Variants in SAMD4A observed in about 807,000 individuals in gnomAD.
SAMD4A encodes sterile alpha motif domain containing 4A, also known as protein Smaug homolog 1.
A neutral mutation model predicts 81.3 loss-of-function variants in SAMD4A; 33 were observed. The observed-to-expected ratio is 0.41, with a 90% CI of 0.31 to 0.54. The LOEUF (loss-of-function observed/expected upper bound fraction) is 0.54, where lower values mean the gene tolerates loss of function less well. Ranked by LOEUF, SAMD4A falls within the 20% of genes least tolerant of loss-of-function variation. SAMD4A has a pLI of 0.37. For missense variants in SAMD4A, 854 were observed against 951.1 expected, an observed-to-expected ratio of 0.90 and a Z score of 1.34; for synonymous variants, 389 against 382.1, an observed-to-expected ratio of 1.02 and a Z score of -0.21.
At chr14:54,650,167 C>T (rs1408821982) in intron 2 of SAMD4A, among the ~76,000 whole-genome samples, 5 of 152,192 alleles carry the variant, frequency 3.3e-5, no homozygotes, top group African/African-American at 1.2e-4. Context: ...TTAAATTGAT[C>T]AGACTCACAA....
intron 3 of SAMD4A, among the ~76,000 whole-genome samples, chr14:54,727,166 C>CT (rs567831973): frequency 0.015 from 872 of 59,094 alleles, 226 homozygotes; most frequent in Non-Finnish European, 0.022. Flanking sequence ...TCTTTTTTTC[C>CT]TTTTTTTTTT....
intron 3 of SAMD4A, among the ~76,000 whole-genome samples, chr14:54,727,399 A>C (rs993842771): frequency 6.6e-6 from 1 of 151,906 alleles, no homozygotes; most frequent in Non-Finnish European, 1.5e-5. Context: ...CATGTTAGCC[A>C]GTCTGTGTCC....
intron 2 of SAMD4A, among the ~76,000 whole-genome samples, chr14:54,691,739 C>A (rs548502469): frequency 5.5e-4 from 83 of 152,262 alleles, no homozygotes; most frequent in African/African-American, 1.9e-3. Context: ...AGGTGTGCCT[C>A]TAGCTCCCTC....
At chr14:54,625,699 A>G (rs1425369574) in intron 2 of SAMD4A, among the ~76,000 whole-genome samples, 1 of 152,238 alleles carries the variant, frequency 6.6e-6, no homozygotes, top group African/African-American at 2.4e-5. Context: ...GTACTTAGAA[A>G]GTACCTAAGG....
At chr14:54,645,903 T>C (rs77320259) in intron 2 of SAMD4A, among the ~76,000 whole-genome samples, 2,333 of 152,360 alleles carry the variant, frequency 0.015, 45 homozygotes, top group African/African-American at 0.052. Context: ...ATTTGTTACA[T>C]AATTCTGTGA....
At chr14:54,680,324 T>A (rs570699892) in intron 2 of SAMD4A, among the ~76,000 whole-genome samples, 65 of 152,368 alleles carry the variant, frequency 4.3e-4, no homozygotes, top group Non-Finnish European at 4.0e-4. Flanking sequence ...TGGGCCTGAA[T>A]TGCCACTCAT....
At chr14:54,656,848 C>T (rs1336755869) in intron 2 of SAMD4A, among the ~76,000 whole-genome samples, 1 of 152,128 alleles carries the variant, frequency 6.6e-6, no homozygotes, top group African/African-American at 2.4e-5. Flanking sequence ...ACCTTGTGAT[C>T]CACCCGCTTT....
chr14:54,687,539 G>C (rs1049092667), intron 2 of SAMD4A: 1 of 365,240 alleles, frequency 2.7e-6, no homozygotes, highest in East Asian at 7.4e-5. Flanking sequence ...CCTAAATGGG[G>C]TATGTTACTA....
At chr14:54,661,254 A>T (rs1158702860) in intron 2 of SAMD4A, among the ~76,000 whole-genome samples, 1 of 152,204 alleles carries the variant, frequency 6.6e-6, no homozygotes, top group Non-Finnish European at 1.5e-5. Context: ...AACTTTACTT[A>T]CCTTGACTTA....
chr14:54,618,591 A>C (rs1342391908), intron 2 of SAMD4A, among the ~76,000 whole-genome samples: 1 of 152,218 alleles, frequency 6.6e-6, no homozygotes, highest in African/African-American at 2.4e-5. Context: ...TAGAATAGAT[A>C]AATATGTCTT....
chr14:54,655,119 T>G (rs1455115900), intron 2 of SAMD4A, among the ~76,000 whole-genome samples: 1 of 152,200 alleles, frequency 6.6e-6, no homozygotes, highest in East Asian at 1.9e-4. Context: ...CTGGAAATAC[T>G]TACACGTCCA....
intron 2 of SAMD4A, among the ~76,000 whole-genome samples, chr14:54,591,137 G>T (rs553754812): frequency 6.6e-6 from 1 of 152,132 alleles, no homozygotes; most frequent in Non-Finnish European, 1.5e-5. Context: ...GGGGTACGTC[G>T]TGCGATACAT....
chr14:54,774,924 GC>G lies in SAMD4A; in HGVS notation c.1716-9del. On this transcript the variant is annotated splice_polypyrimidine_tract_variant and intron_variant, in intron 9 of 12. Transcript: ENST00000554335. ...CTGATATTCTCTTCCTTCTCTCTTG[GC>G]TCTCACAGTCGAGGCTTTGGGCAAT... The G allele has an allele frequency of 1.2e-6, 2 of 1,613,990 alleles. No individual in the cohort carries two copies. The highest frequency in any genetic ancestry group is 1.7e-6 in the Non-Finnish European group (2 of 1,179,942).
chr14:54,780,739 T>G (rs947036731), intron 11 of SAMD4A, among the ~76,000 whole-genome samples: 3 of 152,196 alleles, frequency 2.0e-5, no homozygotes, highest in African/African-American at 7.2e-5. Context: ...CCATCACTTT[T>G]TGTGAAAGCG....
intron 7 of SAMD4A, among the ~76,000 whole-genome samples, chr14:54,762,213 C>G (rs2038418514): frequency 6.6e-6 from 1 of 152,184 alleles, no homozygotes; most frequent in African/African-American, 2.4e-5. Context: ...AAATGTCCAC[C>G]AGTAGAATAA....
chr14:54,724,670 GTTCATTCA>G (rs2037369079), intron 3 of SAMD4A, among the ~76,000 whole-genome samples: 1 of 152,140 alleles, frequency 6.6e-6, no homozygotes. Flanking sequence ...CAAAAACAGA[GTTCATTCA>G]TTCAGTTACC....
At chr14:54,767,084 CG>C (rs1416834750) in intron 8 of SAMD4A, among the ~76,000 whole-genome samples, 1 of 152,052 alleles carries the variant, frequency 6.6e-6, no homozygotes, top group Non-Finnish European at 1.5e-5. Context: ...GAGGGGCCTG[CG>C]TGCTGCTTTG....
intron 6 of SAMD4A, among the ~76,000 whole-genome samples, chr14:54,757,293 A>G (rs1242324685): frequency 1.3e-5 from 2 of 152,068 alleles, no homozygotes; most frequent in Admixed American, 1.3e-4. Context: ...CTTGATGTCT[A>G]TGAGGGGAAA....
chr14:54,610,676 G>A (rs529410019), intron 2 of SAMD4A, among the ~76,000 whole-genome samples: 6 of 152,140 alleles, frequency 3.9e-5, no homozygotes, highest in South Asian at 4.1e-4. Context: ...TATAAAGTCC[G>A]TGCTGAGTTT....
Sources: allele counts gnomAD v4.1 joint callset (sites outside exome capture counted in the v4.1 genomes callset), GRCh38; gene constraint gnomAD v4.1.1; transcripts MANE v1.5; gene names NCBI Gene and HGNC (gene_info 2026-07-23, HGNC 2026-07-21).